The following STXBP3 variants were observed in gnomAD, a reference collection of about 807,000 sequenced individuals.
STXBP3 encodes syntaxin binding protein 3, also known as syntaxin-binding protein 3.
A neutral mutation model predicts 85.7 loss-of-function variants in STXBP3; 41 were observed. That is an observed-to-expected ratio of 0.48 (90% CI 0.37 to 0.62). The LOEUF (loss-of-function observed/expected upper bound fraction) is 0.62. STXBP3 is among the 20% of genes least tolerant of loss of function. The probability of loss-of-function intolerance (pLI) is 0.00; values close to 1 mark genes in which losing one functional copy is unlikely to be tolerated. For missense variants in STXBP3, 563 were observed against 703.1 expected, an observed-to-expected ratio of 0.80 and a Z score of 2.25; for synonymous variants, 229 against 231.7, an observed-to-expected ratio of 0.99 and a Z score of 0.10.
intron 6 of STXBP3, among the ~76,000 whole-genome samples, chr1:108,770,396 A>G (rs1282245800): frequency 1.3e-5 from 2 of 152,212 alleles, no homozygotes; most frequent in Admixed American, 6.5e-5. Flanking sequence ...AAATGTTTTT[A>G]ATCGAATAAT....
At chr1:108,772,168 T>C (rs1307816956) in intron 6 of STXBP3, among the ~76,000 whole-genome samples, 2 of 32,488 alleles carry the variant, frequency 6.2e-5, no homozygotes, top group Admixed American at 2.1e-4. Flanking sequence ...TAAATACATA[T>C]GATATCTATC....
chr1:108,748,570 G>T (rs1411105887), intron 1 of STXBP3, among the ~76,000 whole-genome samples: 2 of 151,672 alleles, frequency 1.3e-5, no homozygotes, highest in African/African-American at 4.8e-5. Flanking sequence ...AGTGGCTCAC[G>T]CCTGTAATTA....
chr1:108,782,871 T>G (rs1421349242), intron 11 of STXBP3, among the ~76,000 whole-genome samples, 165 bp downstream of exon 11: 4 of 152,220 alleles, frequency 2.6e-5, no homozygotes, highest in Non-Finnish European at 4.4e-5. Context: ...GTTAACAACA[T>G]TTTTGTCTGT....
chr1:108,752,086 T>C (rs776098147), intron 1 of STXBP3, among the ~76,000 whole-genome samples, 171 bp from the exon 2 acceptor site: 1 of 152,210 alleles, frequency 6.6e-6, no homozygotes, highest in Admixed American at 6.5e-5. Context: ...AAATGTACTG[T>C]ATAGGCTAGG....
At chr1:108,796,886 A>AT (rs1269958286) in intron 15 of STXBP3, among the ~76,000 whole-genome samples, 160 bp downstream of exon 15, 1 of 151,838 alleles carries the variant, frequency 6.6e-6, no homozygotes, top group East Asian at 1.9e-4. Context: ...TCCATATGTA[A>AT]TTTGGGCAAA....
At chr1:108,807,257 CAAAAAAAAAAAAA>C (rs201346701) in intron 17 of STXBP3, 131 bp from the exon 18 acceptor site, 373,999 of 700,042 alleles carry the variant, frequency 0.53, 78,077 homozygotes, top group Non-Finnish European at 0.56. Context: ...GACTCCACCT[CAAAAAAAAAAAAA>C]AAAAAAAAAA....
intron 16 of STXBP3, 84 bp downstream of exon 16, chr1:108,798,321 T>C (rs1557815130): frequency 9.1e-7 from 1 of 1,104,170 alleles, no homozygotes; most frequent in Non-Finnish European, 1.3e-6. Context: ...TCAGTCTGAG[T>C]ATATGTATTG....
chr1:108,751,098 C>G (rs754830324), intron 1 of STXBP3, among the ~76,000 whole-genome samples: 5 of 152,166 alleles, frequency 3.3e-5, no homozygotes, highest in African/African-American at 9.7e-5. Flanking sequence ...GATTACATCA[C>G]TGGTGATTGA....
At chr1:108,766,913 A>T in intron 6 of STXBP3, 1 of 531,868 alleles carries the variant, frequency 1.9e-6, no homozygotes, top group South Asian at 1.4e-5. Context: ...AGAAACTGTA[A>T]TATGGAACTG....
chr1:108,791,141 C>T (rs542970547), intron 11 of STXBP3, among the ~76,000 whole-genome samples: 26 of 152,170 alleles, frequency 1.7e-4, no homozygotes, highest in Middle Eastern at 6.8e-3. Context: ...TCAAAGTTGG[C>T]AATTTTTTTC....
At chr1:108,798,001 TAAA>T (rs1220429999) in intron 15 of STXBP3, 141 bp from the exon 16 acceptor site, 2 of 648,168 alleles carry the variant, frequency 3.1e-6, no homozygotes, top group South Asian at 4.9e-5. Context: ...TCAGATTTTT[TAAA>T]ATAGGCATCT....
At chr1:108,756,878 A>G (rs1052596107) in intron 4 of STXBP3, 112 bp downstream of exon 4, 2 of 704,602 alleles carry the variant, frequency 2.8e-6, no homozygotes, top group Non-Finnish European at 4.2e-6. Flanking sequence ...AAATATTGCC[A>G]TAAACTAGTT....
chr1:108,771,351 A>G (rs1331812183), intron 6 of STXBP3, among the ~76,000 whole-genome samples: 1 of 136,746 alleles, frequency 7.3e-6, no homozygotes, highest in African/African-American at 2.7e-5. Flanking sequence ...TAGTTGCTGC[A>G]TTTTCTTGAT....
chr1:108,760,170 TA>T (rs1374452282), intron 6 of STXBP3, 85 bp downstream of exon 6: 3 of 709,118 alleles, frequency 4.2e-6, no homozygotes, highest in Non-Finnish European at 6.8e-6. Context: ...ATTCTGAAGA[TA>T]TTTTTTATAT....
intron 6 of STXBP3, among the ~76,000 whole-genome samples, chr1:108,763,293 A>C (rs973353165): frequency 1.3e-5 from 2 of 152,204 alleles, no homozygotes; most frequent in Non-Finnish European, 2.9e-5. Context: ...TATATTTATT[A>C]ACCATTGGAT....
intron 11 of STXBP3, among the ~76,000 whole-genome samples, chr1:108,787,564 A>G (rs963137459): frequency 2.9e-4 from 44 of 152,042 alleles, no homozygotes; most frequent in Admixed American, 2.4e-3. Context: ...TTTTTTTAGT[A>G]GTTAATACCT....
intron 18 of STXBP3, 34 bp downstream of exon 18, chr1:108,807,583 T>G (rs770932423): frequency 1.3e-6 from 2 of 1,557,532 alleles, no homozygotes; most frequent in South Asian, 1.2e-5. Flanking sequence ...TCTGTTTTTT[T>G]TTTTTTTTTT....
In STXBP3 at chr1:108,793,600, A is replaced by T; in HGVS notation, c.982A>T (p.Thr328Ser). The change falls in exon 12 of 19, where the codon ACC (threonine) becomes TCC (serine). Residue 328 changes from threonine to serine, a missense_variant. Transcript: ENST00000370008. ...TEGKTSLSALTQLMKKMPHFR... is the reference protein window; with the variant it reads ...TEGKTSLSALSQLMKKMPHFR... ...TTCCTAGACATCACTTAGTGCTCTT[A>T]CCCAGCTGATGAAAAAGATGCCCCA... is the stretch of plus-strand genomic sequence containing the variant. 1 of 1,612,340 alleles carries T rather than the reference A, an allele frequency of 6.2e-7. No individual in the cohort carries two copies. Among genetic ancestry groups the T allele is most frequent in the Non-Finnish European group, 8.5e-7 (1 of 1,178,876 alleles).
chr1:108,759,699 G>C (rs1176749932), intron 5 of STXBP3, among the ~76,000 whole-genome samples: 1 of 152,134 alleles, frequency 6.6e-6, no homozygotes, highest in South Asian at 2.1e-4. Context: ...GTTTGGACTT[G>C]ATTTTTCTTC....
Sources: allele counts gnomAD v4.1 joint callset (sites outside exome capture counted in the v4.1 genomes callset), GRCh38; gene constraint gnomAD v4.1.1; transcripts MANE v1.5; gene names NCBI Gene and HGNC (gene_info 2026-07-23, HGNC 2026-07-21).